SLC9A4: variants seen among roughly 807,000 people sequenced by gnomAD.
SLC9A4 encodes sodium/hydrogen exchanger 4.
In SLC9A4, 63 loss-of-function variants were observed where a neutral mutation model predicts 67.4. The observed-to-expected ratio is 0.93, with a 90% confidence interval of 0.76 to 1.15. The LOEUF (loss-of-function observed/expected upper bound fraction) is 1.15, where lower values mean the gene tolerates loss of function less well. Among genes scored for constraint, SLC9A4 ranks in the 50% most tolerant of loss-of-function variants. SLC9A4 has a pLI of 0.00. For missense variants in SLC9A4, 1,089 were observed against 987.7 expected (o/e 1.10, Z -1.38); for synonymous variants, 393 against 367.2 (o/e 1.07, Z -0.80).
intron 2 of SLC9A4, among the ~76,000 whole-genome samples, chr2:102,485,701 G>T (rs1684574391): frequency 6.6e-6 from 1 of 152,226 alleles, no homozygotes; most frequent in South Asian, 2.1e-4. Context: ...AAGCAGTGGG[G>T]ACTAGAAGAG....
intron 2 of SLC9A4, among the ~76,000 whole-genome samples, chr2:102,493,557 A>G (rs1057420466): frequency 1.3e-5 from 2 of 151,794 alleles, no homozygotes; most frequent in Non-Finnish European, 2.9e-5. Context: ...GGAGGTAACC[A>G]TCCCCATGAT....
chr2:102,500,514 C>T (rs916712764), intron 2 of SLC9A4, among the ~76,000 whole-genome samples: 9 of 152,052 alleles, frequency 5.9e-5, no homozygotes, highest in Admixed American at 5.2e-4. Context: ...TAGCAGAGGG[C>T]CACTGTGCAA....
In SLC9A4 at chr2:102,505,314, A is replaced by G; in HGVS notation, c.1041A>G (p.Ser347=). Residue 347 remains serine (S), a synonymous_variant, in exon 4 of 12, where the codon TCA becomes TCG. Coordinates refer to ENST00000295269, the MANE Select transcript of SLC9A4 (RefSeq NM_001011552.4). The part of the protein sequence containing the change: ...KYVEENVSQT[S]YTTIKYFMKM... ...TGGAAGAAAACGTGTCCCAGACATC[A>G]TACACGACCATCAAGTACTTCATGA... The G allele has an allele frequency of 6.2e-7, 1 of 1,614,192 alleles. No homozygotes were observed. Among genetic ancestry groups the G allele is most frequent in the Non-Finnish European group, 8.5e-7 (1 of 1,180,028 alleles).
chr2:102,517,233 C>T (rs888938463), intron 8 of SLC9A4, among the ~76,000 whole-genome samples: 1 of 152,148 alleles, frequency 6.6e-6, no homozygotes, highest in African/African-American at 2.4e-5. Context: ...CTGGTGGGTT[C>T]CACTGTGTGC....
chr2:102,483,087 C>T (rs1279753823), intron 2 of SLC9A4, among the ~76,000 whole-genome samples: 1 of 152,178 alleles, frequency 6.6e-6, no homozygotes, highest in Admixed American at 6.5e-5. Flanking sequence ...TAAGAATGAT[C>T]ATTTCAGGAT....
At chr2:102,525,506 T>A (rs750991752) in intron 10 of SLC9A4, among the ~76,000 whole-genome samples, 5 of 150,974 alleles carry the variant, frequency 3.3e-5, no homozygotes, top group Non-Finnish European at 7.4e-5. Flanking sequence ...GGGGTCTGGG[T>A]CTGGACCAGA....
At chr2:102,483,119 C>A (rs985256580) in intron 2 of SLC9A4, among the ~76,000 whole-genome samples, 1 of 151,378 alleles carries the variant, frequency 6.6e-6, no homozygotes, top group African/African-American at 2.5e-5. Flanking sequence ...TTTCAAGCTA[C>A]CGGAGTATCT....
At chr2:102,520,806 A>C (rs1299844759) in intron 9 of SLC9A4, among the ~76,000 whole-genome samples, 3 of 152,236 alleles carry the variant, frequency 2.0e-5, no homozygotes, top group Non-Finnish European at 4.4e-5. Flanking sequence ...TCAAGGTTAC[A>C]AAACAAATCC....
chr2:102,503,267 A>C (rs1684980057), intron 2 of SLC9A4, among the ~76,000 whole-genome samples, 181 bp from the exon 3 acceptor site: 1 of 152,204 alleles, frequency 6.6e-6, no homozygotes, highest in Non-Finnish European at 1.5e-5. Flanking sequence ...CTTTTTATTC[A>C]GTGAAACTGT....
At chr2:102,522,786 T>C (rs1201108385) in intron 9 of SLC9A4, among the ~76,000 whole-genome samples, 4 of 152,342 alleles carry the variant, frequency 2.6e-5, no homozygotes, top group East Asian at 1.9e-4. Flanking sequence ...AGGTGTATCA[T>C]TACTAATGAT....
chr2:102,531,062 CTTTTTT>C (rs5833023), intron 11 of SLC9A4, among the ~76,000 whole-genome samples: 1 of 116,290 alleles, frequency 8.6e-6, no homozygotes. Context: ...TACCTAAATT[CTTTTTT>C]TTTTTTTTTT....
At chr2:102,507,333 T>A (rs1685070734) in intron 4 of SLC9A4, among the ~76,000 whole-genome samples, 2 of 152,236 alleles carry the variant, frequency 1.3e-5, no homozygotes, top group South Asian at 4.1e-4. Context: ...GAAGTGAAAC[T>A]CTTCTTTGAT....
At chr2:102,490,576 T>C (rs922844208) in intron 2 of SLC9A4, among the ~76,000 whole-genome samples, 4 of 152,186 alleles carry the variant, frequency 2.6e-5, no homozygotes, top group African/African-American at 7.2e-5. Flanking sequence ...CTATATGCAG[T>C]CACATTATCA....
At chr2:102,531,134 C>T (rs1674772218) in intron 11 of SLC9A4, among the ~76,000 whole-genome samples, 2 of 143,638 alleles carry the variant, frequency 1.4e-5, no homozygotes, top group Admixed American at 1.5e-4. Flanking sequence ...GTGATCTCGG[C>T]TCACTGCAAG....
In SLC9A4 at chr2:102,479,191, C is replaced by T. The variant is rs745493440; in HGVS notation, c.609C>T (p.Ile203=). 7.4e-6 allele frequency: 12 copies of T among 1,614,198 alleles called. No homozygotes were observed. In the South Asian group the frequency reaches 1.2e-4, roughly 16 times the overall value. Residue 203 remains isoleucine (I), a synonymous_variant, in exon 2 of 12, where the codon ATC becomes ATT. Coordinates refer to ENST00000295269, the MANE Select transcript of SLC9A4 (RefSeq NM_001011552.4). The part of the protein sequence containing the change: ...LLQNLLFGSL[I]SAVDPVAVLA... ...AGAACCTGCTGTTCGGCAGCCTGATCTCCGCCGTGGACCCAGTGGCCGTGC... is the reference window on the plus strand; with the variant it reads ...AGAACCTGCTGTTCGGCAGCCTGATTTCCGCCGTGGACCCAGTGGCCGTGC...
intron 11 of SLC9A4, among the ~76,000 whole-genome samples, chr2:102,530,191 G>C (rs1188520401): frequency 6.6e-6 from 1 of 152,182 alleles, no homozygotes; most frequent in African/African-American, 2.4e-5. Flanking sequence ...TCCTGCATCA[G>C]GTAGTTCATC....
intron 2 of SLC9A4, among the ~76,000 whole-genome samples, chr2:102,483,079 A>G (rs1223243739): frequency 1.3e-5 from 2 of 152,220 alleles, no homozygotes; most frequent in Non-Finnish European, 2.9e-5. Context: ...GACATTTATA[A>G]GAATGATCAT....
chr2:102,504,164 T>C (rs1573342717), intron 3 of SLC9A4, among the ~76,000 whole-genome samples: 1 of 152,184 alleles, frequency 6.6e-6, no homozygotes, highest in South Asian at 2.1e-4. Flanking sequence ...TCCATTCTCC[T>C]GCCTCAGCCT....
chr2:102,493,650 C>G (rs1684750426), intron 2 of SLC9A4, among the ~76,000 whole-genome samples: 1 of 151,828 alleles, frequency 6.6e-6, no homozygotes, highest in African/African-American at 2.4e-5. Context: ...GGTGGGGACA[C>G]AGCCAAACCA....
Sources: gnomAD v4.1 joint callset for allele counts (sites outside exome capture counted in the v4.1 genomes callset) on GRCh38, gnomAD v4.1.1 for gene constraint, MANE v1.5 for transcripts, NCBI Gene and HGNC (gene_info 2026-07-23, HGNC 2026-07-21) for gene names.